Variants in PLXDC2 observed in about 807,000 individuals in gnomAD.
PLXDC2 encodes plexin domain containing 2, also known as plexin domain-containing protein 2.
A neutral mutation model predicts 68.9 loss-of-function variants in PLXDC2; 40 were observed. The ratio of observed to expected loss-of-function variants is 0.58; its 90% confidence interval spans 0.45 to 0.76. The LOEUF (loss-of-function observed/expected upper bound fraction) is 0.76, where lower values mean the gene tolerates loss of function less well. PLXDC2 is among the 30% of genes least tolerant of loss of function. The pLI is 0.00. For missense variants in PLXDC2, 644 were observed against 661.9 expected, an observed-to-expected ratio of 0.97 and a Z score of 0.30; for synonymous variants, 243 against 234.2, an observed-to-expected ratio of 1.04 and a Z score of -0.34.
intron 1 of PLXDC2, among the ~76,000 whole-genome samples, chr10:19,985,087 A>G (rs745906378): frequency 6.6e-6 from 1 of 152,232 alleles, no homozygotes; most frequent in African/African-American, 2.4e-5. Context: ...TTTTCTGTTT[A>G]GGAAACCAAT....
At chr10:19,848,965 C>T (rs79189833) in intron 1 of PLXDC2, among the ~76,000 whole-genome samples, 6,865 of 152,116 alleles carry the variant, frequency 0.045, 160 homozygotes, top group African/African-American at 0.059. Flanking sequence ...GATTATGTGA[C>T]GAAGGAATCC....
intron 1 of PLXDC2, among the ~76,000 whole-genome samples, chr10:19,918,892 C>T (rs1226962861): frequency 1.3e-5 from 2 of 152,072 alleles, no homozygotes; most frequent in Non-Finnish European, 2.9e-5. Context: ...GTATGGAGTG[C>T]AAGTTGAGTT....
intron 9 of PLXDC2, among the ~76,000 whole-genome samples, chr10:20,205,145 T>G (rs1834973858): frequency 6.6e-6 from 1 of 152,182 alleles, no homozygotes; most frequent in Non-Finnish European, 1.5e-5. Flanking sequence ...CTTTTATCTC[T>G]TGAATTGATA....
chr10:19,874,909 C>T (rs1308398196), intron 1 of PLXDC2, among the ~76,000 whole-genome samples: 3 of 151,996 alleles, frequency 2.0e-5, no homozygotes, highest in African/African-American at 4.8e-5. Context: ...ACCTGTTCTT[C>T]GAGGTTCTTG....
chr10:20,223,806 TTG>T (rs1835250404), intron 12 of PLXDC2, among the ~76,000 whole-genome samples: 1 of 152,172 alleles, frequency 6.6e-6, no homozygotes, highest in Non-Finnish European at 1.5e-5. Context: ...ATTAATTCTC[TTG>T]TGTGTTTCAG....
rs1230543933 is a variant in PLXDC2 at position 20,164,583 on chromosome 10, G to T, written c.883+16G>T. 6.3e-7 allele frequency: 1 copy of T among 1,587,228 alleles called. No individual in the cohort carries two copies. Among genetic ancestry groups the T allele is most frequent in the South Asian group, 1.1e-5 (1 of 90,436 alleles). On this transcript the variant is annotated intron_variant, in intron 7 of 13. Transcript: ENST00000377252. Reference sequence around the variant, plus strand: ...CAAATTCCCAGTACGTAGAAGAAGGGCAGTCGCAATGAGTGAGCCTCTGTG... The same window carrying T: ...CAAATTCCCAGTACGTAGAAGAAGGTCAGTCGCAATGAGTGAGCCTCTGTG...
At chr10:20,038,377 T>C (rs1345434953) in intron 2 of PLXDC2, among the ~76,000 whole-genome samples, 5 of 152,060 alleles carry the variant, frequency 3.3e-5, no homozygotes, top group Non-Finnish European at 5.9e-5. Flanking sequence ...GATGAAGATA[T>C]GGGTAAACAA....
intron 12 of PLXDC2, among the ~76,000 whole-genome samples, chr10:20,225,382 T>G (rs971771522): frequency 2.6e-5 from 4 of 152,180 alleles, no homozygotes; most frequent in Admixed American, 2.6e-4. Context: ...TGATTTTTTT[T>G]GTACACTTCT....
At chr10:20,049,989 C>T (rs1835864004) in intron 3 of PLXDC2, among the ~76,000 whole-genome samples, 1 of 152,126 alleles carries the variant, frequency 6.6e-6, no homozygotes, top group Admixed American at 6.6e-5. Flanking sequence ...ACCAAAACAG[C>T]ATGTTACTGG....
At chr10:19,829,205 T>C (rs1836636860) in intron 1 of PLXDC2, among the ~76,000 whole-genome samples, 1 of 145,282 alleles carries the variant, frequency 6.9e-6, no homozygotes, top group African/African-American at 2.6e-5. Context: ...AGATCTCCAC[T>C]TAGCCTTGAT....
At chr10:20,081,246 C>T (rs1315401289) in intron 4 of PLXDC2, among the ~76,000 whole-genome samples, 2 of 152,124 alleles carry the variant, frequency 1.3e-5, no homozygotes, top group African/African-American at 2.4e-5. Context: ...AGAATCAAGA[C>T]TTTAGGGAAA....
At chr10:20,169,946 C>A (rs759579817) in intron 7 of PLXDC2, among the ~76,000 whole-genome samples, 13 of 152,146 alleles carry the variant, frequency 8.5e-5, no homozygotes, top group Non-Finnish European at 1.5e-4. Flanking sequence ...CATCAGGCCT[C>A]TTCGTATCAG....
chr10:20,234,857 C>G (rs559534679), intron 12 of PLXDC2, among the ~76,000 whole-genome samples: 2 of 152,220 alleles, frequency 1.3e-5, no homozygotes, highest in South Asian at 2.1e-4. Flanking sequence ...CACTCACACA[C>G]AGGCTAAATG....
chr10:20,053,205 A>G (rs1835934325), intron 3 of PLXDC2, among the ~76,000 whole-genome samples: 1 of 152,124 alleles, frequency 6.6e-6, no homozygotes, highest in South Asian at 2.1e-4. Flanking sequence ...TATTTGCATG[A>G]CATCTGTGTA....
At chr10:20,049,131 G>C (rs1835849348) in intron 3 of PLXDC2, among the ~76,000 whole-genome samples, 1 of 151,902 alleles carries the variant, frequency 6.6e-6, no homozygotes, top group South Asian at 2.1e-4. Flanking sequence ...GTTAGAAATT[G>C]GTGGAAAAAG....
chr10:20,234,655 GTTTC>G (rs1422637801), intron 12 of PLXDC2, among the ~76,000 whole-genome samples: 1 of 135,852 alleles, frequency 7.4e-6, no homozygotes, highest in Non-Finnish European at 1.6e-5. Flanking sequence ...TGTTTTCAGG[GTTTC>G]TTTCTTTTTT....
At chr10:19,973,564 C>A (rs72789633) in intron 1 of PLXDC2, among the ~76,000 whole-genome samples, 7,903 of 152,092 alleles carry the variant, frequency 0.052, 265 homozygotes, top group Middle Eastern at 0.092. Flanking sequence ...GAAACACACA[C>A]AAAAAATTGC....
At chr10:19,965,717 T>TG (rs1197136011) in intron 1 of PLXDC2, among the ~76,000 whole-genome samples, 2 of 114,802 alleles carry the variant, frequency 1.7e-5, no homozygotes, top group East Asian at 6.3e-4. Context: ...ACAGTTTTTT[T>TG]TGGGGGGGGG....
chr10:19,996,742 T>C (rs541555025), intron 1 of PLXDC2, among the ~76,000 whole-genome samples: 1 of 152,230 alleles, frequency 6.6e-6, no homozygotes, highest in South Asian at 2.1e-4. Flanking sequence ...TTAATGGACT[T>C]ACAGTTCCAT....
Sources: allele counts gnomAD v4.1 joint callset (sites outside exome capture counted in the v4.1 genomes callset), GRCh38; gene constraint gnomAD v4.1.1; transcripts MANE v1.5; gene names NCBI Gene and HGNC (gene_info 2026-07-23, HGNC 2026-07-21).